The following AGBL4 variants were observed in gnomAD, a reference collection of about 807,000 sequenced individuals.
AGBL4 encodes the protein cytosolic carboxypeptidase 6.
In AGBL4, 58 loss-of-function variants were observed where a neutral mutation model predicts 66.4. The observed-to-expected ratio is 0.87, with a 90% CI of 0.71 to 1.09. The LOEUF (loss-of-function observed/expected upper bound fraction) is 1.09, where lower values mean the gene tolerates loss of function less well. AGBL4 is among the 50% of genes least tolerant of loss of function. The pLI is 0.00. For synonymous variants in AGBL4, 234 were observed against 222.9 expected, an observed-to-expected ratio of 1.05 and a Z score of -0.44; for missense variants, 579 against 631.0, an observed-to-expected ratio of 0.92 and a Z score of 0.88.
intron 1 of AGBL4, among the ~76,000 whole-genome samples, chr1:49,890,387 G>A (rs772217676): frequency 3.9e-5 from 6 of 152,036 alleles, no homozygotes; most frequent in Non-Finnish European, 8.8e-5. Context: ...CTCATTCAGG[G>A]GCCCTTGCAG....
At chr1:49,452,136 T>C (rs1425006900) in intron 3 of AGBL4, among the ~76,000 whole-genome samples, 1 of 151,880 alleles carries the variant, frequency 6.6e-6, no homozygotes, top group Admixed American at 6.6e-5. Flanking sequence ...CACTGGTTCC[T>C]TCACAGCAGT....
intron 4 of AGBL4, among the ~76,000 whole-genome samples, chr1:49,082,256 G>T (rs1215783028): frequency 6.6e-6 from 1 of 152,152 alleles, no homozygotes; most frequent in Non-Finnish European, 1.5e-5. Flanking sequence ...GAGAAAAAAG[G>T]CAAGCCCTTA....
At chr1:49,284,382 G>T (rs1490845744) in intron 3 of AGBL4, among the ~76,000 whole-genome samples, 1 of 152,004 alleles carries the variant, frequency 6.6e-6, no homozygotes, top group Non-Finnish European at 1.5e-5. Flanking sequence ...GCGCTAAACA[G>T]GGAAAGGAAC....
chr1:48,881,746 A>G (rs1215888560), intron 5 of AGBL4, among the ~76,000 whole-genome samples: 1 of 152,162 alleles, frequency 6.6e-6, no homozygotes, highest in Non-Finnish European at 1.5e-5. Flanking sequence ...CTCATCAAAG[A>G]CACTGATTGG....
chr1:49,886,377 G>C (rs1222159331), intron 1 of AGBL4, among the ~76,000 whole-genome samples: 8 of 152,048 alleles, frequency 5.3e-5, no homozygotes, highest in African/African-American at 1.7e-4. Context: ...ATGCACGGAG[G>C]AACAAAGTAT....
chr1:49,611,260 G>A lies in AGBL4; in HGVS notation c.282+86053C>T, dbSNP rs138128873. On this transcript the variant is annotated intron_variant, in intron 3 of 13. Coordinates refer to ENST00000371839, the MANE Select transcript of AGBL4 (RefSeq NM_032785.4). ...GCTGATTAAGTCCATAAAAGTCAGC[G>A]TCATGGGGCACTAAGCAAGGTGGAA... 5.2e-4 allele frequency among the ~76,000 whole-genome samples: 79 copies of A among 152,200 alleles called. 1 individual carries two copies. The highest frequency in any genetic ancestry group is 1.7e-3 in the African/African-American group (69 of 41,532).
chr1:49,494,336 A>C (rs914846008), intron 3 of AGBL4, among the ~76,000 whole-genome samples: 2 of 151,840 alleles, frequency 1.3e-5, no homozygotes, highest in Non-Finnish European at 2.9e-5. Context: ...CAGGTTAGTT[A>C]CATATGTATA....
At chr1:49,404,657 TTTAA>T (rs1179930549) in intron 3 of AGBL4, among the ~76,000 whole-genome samples, 1 of 152,242 alleles carries the variant, frequency 6.6e-6, no homozygotes, top group Non-Finnish European at 1.5e-5. Context: ...ATTTTGTTTG[TTTAA>T]TTAACTGAGT....
At chr1:48,781,615 C>T (rs1645294520) in intron 6 of AGBL4, among the ~76,000 whole-genome samples, 1 of 152,234 alleles carries the variant, frequency 6.6e-6, no homozygotes, top group African/African-American at 2.4e-5. Context: ...ATATTTCTGC[C>T]AAATGGGCAT....
At chr1:49,298,609 G>A (rs1298454250) in intron 3 of AGBL4, among the ~76,000 whole-genome samples, 1 of 151,906 alleles carries the variant, frequency 6.6e-6, no homozygotes, top group Non-Finnish European at 1.5e-5. Context: ...GGATCATTGA[G>A]GGGTGCCTGG....
At chr1:49,714,593 T>TATATATATATATATATAC (rs1491300456) in intron 2 of AGBL4, among the ~76,000 whole-genome samples, 21 of 113,974 alleles carry the variant, frequency 1.8e-4, no homozygotes, top group African/African-American at 6.0e-4. Flanking sequence ...TATATATATA[T>TATATATATATATATATAC]ACACACACAC....
intron 5 of AGBL4, among the ~76,000 whole-genome samples, chr1:48,872,422 T>C (rs954618872): frequency 2.0e-5 from 3 of 152,182 alleles, no homozygotes; most frequent in African/African-American, 7.2e-5. Context: ...ATTTTGTTTC[T>C]AATCTTTTTC....
intron 6 of AGBL4, among the ~76,000 whole-genome samples, chr1:48,757,300 A>AT (rs1643987207): frequency 6.6e-6 from 1 of 152,216 alleles, no homozygotes; most frequent in African/African-American, 2.4e-5. Flanking sequence ...CCCATCCCCC[A>AT]TCACCACTAC....
chr1:48,542,187 C>G (rs1176715189), intron 11 of AGBL4, among the ~76,000 whole-genome samples: 2 of 152,182 alleles, frequency 1.3e-5, no homozygotes, highest in Admixed American at 1.3e-4. Flanking sequence ...TTTTTTATGG[C>G]TGCATAATAT....
chr1:49,956,292 C>T (rs1010685661), intron 1 of AGBL4, among the ~76,000 whole-genome samples: 2 of 151,758 alleles, frequency 1.3e-5, no homozygotes, highest in African/African-American at 2.4e-5. Flanking sequence ...TGCTGAAGAA[C>T]ACAGCTTTCA....
chr1:48,624,327 G>A (rs1330193863), intron 9 of AGBL4, among the ~76,000 whole-genome samples: 1 of 152,164 alleles, frequency 6.6e-6, no homozygotes, highest in African/African-American at 2.4e-5. Flanking sequence ...TGTCTTGCTG[G>A]GAAATGATGG....
intron 6 of AGBL4, among the ~76,000 whole-genome samples, chr1:48,737,200 C>T (rs1440970655): frequency 6.6e-6 from 1 of 152,150 alleles, no homozygotes; most frequent in East Asian, 1.9e-4. Flanking sequence ...AAGAGAATCG[C>T]TTGAACCTGG....
At chr1:49,525,269 T>C (rs772447598) in intron 3 of AGBL4, among the ~76,000 whole-genome samples, 4 of 151,948 alleles carry the variant, frequency 2.6e-5, no homozygotes, top group Non-Finnish European at 5.9e-5. Context: ...GCAGGAATTA[T>C]AAAAAGAATT....
intron 2 of AGBL4, among the ~76,000 whole-genome samples, chr1:49,702,484 C>T (rs531552260): frequency 4.7e-4 from 71 of 151,824 alleles, no homozygotes; most frequent in Admixed American, 9.2e-4. Context: ...AGCGAGGCTC[C>T]GTCCCAAAAA....
Sources: gnomAD v4.1 joint callset for allele counts (sites outside exome capture counted in the v4.1 genomes callset) on GRCh38, gnomAD v4.1.1 for gene constraint, MANE v1.5 for transcripts, NCBI Gene and HGNC (gene_info 2026-07-23, HGNC 2026-07-21) for gene names.